DOCK2: variants seen among roughly 807,000 people sequenced by gnomAD.
DOCK2 encodes the protein dedicator of cytokinesis 2, also known as dedicator of cytokinesis protein 2.
In DOCK2, 87 loss-of-function variants were observed where a neutral mutation model predicts 248.9. The observed-to-expected ratio is 0.35, with a 90% CI of 0.29 to 0.42. The LOEUF is 0.42. DOCK2 is among the 10% of genes least tolerant of loss of function. DOCK2 has a pLI of 1.00. For missense variants in DOCK2, 1,747 were observed against 2,300.2 expected, an observed-to-expected ratio of 0.76 and a Z score of 4.92; for synonymous variants, 805 against 821.6, an observed-to-expected ratio of 0.98 and a Z score of 0.35.
chr5:169,902,839 C>T (rs1275406821), intron 27 of DOCK2, among the ~76,000 whole-genome samples: 1 of 152,108 alleles, frequency 6.6e-6, no homozygotes, highest in Non-Finnish European at 1.5e-5. Flanking sequence ...GTGGCTCACG[C>T]CTGTAATCCC....
In DOCK2 at chr5:169,637,283, C is replaced by G. The variant is rs760403933; in HGVS notation, c.-44C>G. On this transcript the variant is annotated 5_prime_UTR_variant, in exon 1 of 52. Transcript: ENST00000520908. ...GGGGCCCTGCGGCGCCCAGCCACCC[C>G]CTGACGGCTTCCCCACGGGAGGACG... is the stretch of plus-strand genomic sequence containing the variant. 5.6e-6 allele frequency: 8 copies of G among 1,436,802 alleles called. No individual in the cohort carries two copies. The highest frequency in any genetic ancestry group is 5.6e-5 in the Admixed American group (2 of 35,838). 89.0% of individuals were successfully genotyped at this position (1,436,802 alleles called of 1,614,324 possible). A position where few individuals can be genotyped will look rare whatever the true frequency, so the allele number is the denominator to read the frequency against.
At chr5:170,082,082 G>A in intron 51 of DOCK2, 98 bp downstream of exon 51, 1 of 1,511,704 alleles carries the variant, frequency 6.6e-7, no homozygotes, top group Non-Finnish European at 9.0e-7. Context: ...GTGTGCATAT[G>A]TGGTCATTCC....
At chr5:169,724,017 A>T (rs372772755) in intron 22 of DOCK2, among the ~76,000 whole-genome samples, 17 of 152,318 alleles carry the variant, frequency 1.1e-4, no homozygotes, top group African/African-American at 3.6e-4. Flanking sequence ...AAGCTCAATG[A>T]TCACACAGCT....
intron 25 of DOCK2, among the ~76,000 whole-genome samples, chr5:169,768,326 G>C (rs534027167): frequency 2.6e-5 from 4 of 152,364 alleles, no homozygotes; most frequent in Non-Finnish European, 5.9e-5. Context: ...AAGTGCTGGA[G>C]CTGATTCTGA....
chr5:170,035,393 A>G (rs1178082809), intron 35 of DOCK2, among the ~76,000 whole-genome samples: 1 of 152,140 alleles, frequency 6.6e-6, no homozygotes, highest in African/African-American at 2.4e-5. Context: ...TACCCTAAAT[A>G]GACTTTTTTT....
intron 26 of DOCK2, among the ~76,000 whole-genome samples, chr5:169,820,617 G>A (rs886547376): frequency 1.3e-5 from 2 of 152,214 alleles, no homozygotes; most frequent in Non-Finnish European, 2.9e-5. Flanking sequence ...AACCCCATCT[G>A]TACGTCACCA....
At chr5:169,965,889 C>T (rs1001926692) in intron 27 of DOCK2, among the ~76,000 whole-genome samples, 1 of 152,112 alleles carries the variant, frequency 6.6e-6, no homozygotes, top group African/African-American at 2.4e-5. Flanking sequence ...TCACCTTTGA[C>T]GTGGTTCCTG....
chr5:169,756,779 G>T (rs962226773), intron 23 of DOCK2, among the ~76,000 whole-genome samples: 1 of 152,096 alleles, frequency 6.6e-6, no homozygotes, highest in Admixed American at 6.5e-5. Flanking sequence ...TACAAAATTA[G>T]CTGGACGTGG....
intron 27 of DOCK2, among the ~76,000 whole-genome samples, chr5:169,942,702 G>C (rs922383752): frequency 6.6e-6 from 1 of 152,152 alleles, no homozygotes; most frequent in African/African-American, 2.4e-5. Flanking sequence ...AGAAATAGAG[G>C]ACACAGCTCC....
At chr5:170,018,852 T>C in intron 32 of DOCK2, 108 bp from the exon 33 acceptor site, 1 of 1,381,666 alleles carries the variant, frequency 7.2e-7, no homozygotes, top group Non-Finnish European at 9.8e-7. Flanking sequence ...GTGTTAACTA[T>C]TGTTTTTACT....
intron 41 of DOCK2, among the ~76,000 whole-genome samples, chr5:170,054,027 C>G (rs564443056): frequency 7.8e-6 from 1 of 128,186 alleles, no homozygotes; most frequent in African/African-American, 3.8e-5. Flanking sequence ...CAACTCCTAA[C>G]TGGGGGGTGA....
intron 51 of DOCK2, 84 bp downstream of exon 51, chr5:170,082,068 T>C (rs1232398841): frequency 6.4e-7 from 1 of 1,550,800 alleles, no homozygotes; most frequent in East Asian, 2.3e-5. Flanking sequence ...AAATGGGGGG[T>C]TGTGTGTGCA....
intron 27 of DOCK2, among the ~76,000 whole-genome samples, chr5:169,957,136 A>T (rs1455824351): frequency 6.6e-6 from 1 of 152,096 alleles, no homozygotes; most frequent in African/African-American, 2.4e-5. Flanking sequence ...GAGGGCAGGG[A>T]CTATGTGTGA....
chr5:169,645,872 C>T (rs543663134), intron 1 of DOCK2, among the ~76,000 whole-genome samples: 18 of 152,182 alleles, frequency 1.2e-4, no homozygotes, highest in South Asian at 2.1e-4. Flanking sequence ...CTCAGCCTCC[C>T]GAGTAGCTGG....
In DOCK2 at chr5:170,066,052, T is replaced by C. The variant is rs191293651; in HGVS notation, c.4468-1458T>C. The stretch of plus-strand genomic sequence containing the variant: ...CTGCAAGCTCCGCCTCCTGGGCTCA[T>C]GCCATTCTCCTGTCTCAGCCTCCCG... On this transcript the variant is annotated intron_variant, in intron 44 of 51. Coordinates refer to ENST00000520908, the MANE Select transcript of DOCK2 (RefSeq NM_004946.3). 4.3e-3 allele frequency among the ~76,000 whole-genome samples: 648 copies of C among 150,426 alleles called. 5 individuals are homozygous for C. The highest frequency in any genetic ancestry group is 0.015 in the African/African-American group (604 of 40,890).
chr5:169,794,149 C>T (rs1033357068), intron 25 of DOCK2, among the ~76,000 whole-genome samples: 1 of 152,154 alleles, frequency 6.6e-6, no homozygotes, highest in South Asian at 2.1e-4. Context: ...CCACCGAAAG[C>T]GCAGTCCACC....
intron 27 of DOCK2, among the ~76,000 whole-genome samples, chr5:169,854,188 A>AT (rs149299629): frequency 0.035 from 4,804 of 136,474 alleles, 97 homozygotes; most frequent in African/African-American, 0.042. Context: ...TTACTGAAAC[A>AT]TTTTTTTTTT....
chr5:169,840,828 C>T lies in DOCK2; in HGVS notation c.2775C>T (p.Thr925=), dbSNP rs1177161609. The part of the protein sequence containing the change: ...LLRTVNRTVI[T]MGRDHILISH... ...GGACAGTGAACCGGACAGTCATCAC[C>T]ATGGGCCGGGATCACATTCTGATTG... The change falls in exon 27 of 52, where the codon ACC becomes ACT. Residue 925 remains threonine, a synonymous_variant. Coordinates refer to ENST00000520908, the MANE Select transcript of DOCK2 (RefSeq NM_004946.3). 3 of 1,614,012 alleles carry T rather than the reference C, an allele frequency of 1.9e-6. No homozygotes were observed. Among genetic ancestry groups the T allele is most frequent in the East Asian group, 4.5e-5 (2 of 44,850 alleles).
intron 27 of DOCK2, among the ~76,000 whole-genome samples, chr5:169,843,888 T>C (rs1770148689): frequency 6.6e-6 from 1 of 152,266 alleles, no homozygotes; most frequent in Non-Finnish European, 1.5e-5. Context: ...CAGTACTTCA[T>C]TTCTTTTCAT....
Sources: gnomAD v4.1 joint callset for allele counts (sites outside exome capture counted in the v4.1 genomes callset) on GRCh38, gnomAD v4.1.1 for gene constraint, MANE v1.5 for transcripts, NCBI Gene and HGNC (gene_info 2026-07-23, HGNC 2026-07-21) for gene names.